FNBP1L: variants seen among roughly 807,000 people sequenced by gnomAD.
FNBP1L encodes formin binding protein 1 like, also known as formin-binding protein 1-like.
In FNBP1L, 36 loss-of-function variants were observed where a neutral mutation model predicts 91.2. That is an observed-to-expected ratio of 0.39 (90% confidence interval 0.30 to 0.52). The LOEUF (loss-of-function observed/expected upper bound fraction) is 0.52. Among genes scored for constraint, FNBP1L ranks in the 20% least tolerant of loss-of-function variants. FNBP1L has a pLI of 0.66. For synonymous variants in FNBP1L, 242 were observed against 237.0 expected (o/e 1.02, Z -0.19); for missense variants, 571 against 732.1 (o/e 0.78, Z 2.54).
At chr1:93,527,821 A>G (rs746004958) in intron 5 of FNBP1L, among the ~76,000 whole-genome samples, 1 of 152,204 alleles carries the variant, frequency 6.6e-6, no homozygotes, top group Non-Finnish European at 1.5e-5. Flanking sequence ...CAATGTGACT[A>G]TGAAAGGAAA....
rs1374895705 is a variant in FNBP1L, at chr1:93,549,324, C to A, written c.1549C>A (p.Pro517Thr). The change falls in exon 15 of 17, where the codon CCA (proline) becomes ACA (threonine). Residue 517 changes from proline (P) to threonine (T), a missense_variant. Physicochemically the swap from Pro to Thr is conservative, Grantham distance 38. Around this residue, in one of 5 missense-constraint regions of FNBP1L, gnomAD observed 189 missense variants for 219.7 expected, o/e 0.86. Transcript: ENST00000271234. ...TGATGCAAACCAGGAAGTCCGTGGG[C>A]CACCCCAGCAGCATGGTCACCACAA... ...TDDANQEVRG[P>T]PQQHGHHNEF... 1 of 1,612,686 alleles carries A rather than the reference C, an allele frequency of 6.2e-7. No homozygotes were observed. Among genetic ancestry groups the A allele is most frequent in the African/African-American group, 1.3e-5 (1 of 74,926 alleles).
intron 10 of FNBP1L, among the ~76,000 whole-genome samples, 178 bp downstream of exon 10, chr1:93,536,668 G>A: frequency 6.6e-6 from 1 of 152,018 alleles, no homozygotes; most frequent in Non-Finnish European, 1.5e-5. Context: ...CATTTGAAAT[G>A]CTCAACCATA....
chr1:93,504,434 T>C (rs4847429), intron 2 of FNBP1L, among the ~76,000 whole-genome samples: 71,515 of 152,132 alleles, frequency 0.47, 20,247 homozygotes, highest in East Asian at 0.61. Flanking sequence ...TCCCCAGCCA[T>C]GTGGAACTAT....
chr1:93,508,234 C>T (rs1670701632), intron 2 of FNBP1L, among the ~76,000 whole-genome samples: 1 of 152,010 alleles, frequency 6.6e-6, no homozygotes, highest in Non-Finnish European at 1.5e-5. Flanking sequence ...CCTGCAGTCC[C>T]AGCTACCTGG....
intron 15 of FNBP1L, 56 bp downstream of exon 15, chr1:93,549,482 A>G: frequency 7.5e-7 from 1 of 1,327,112 alleles, no homozygotes; most frequent in Non-Finnish European, 1.0e-6. Context: ...AAAAGTATTT[A>G]CATCAAGTCA....
At chr1:93,459,977 G>GTGTGTGTT (rs1553207644) in intron 1 of FNBP1L, among the ~76,000 whole-genome samples, 32 of 128,266 alleles carry the variant, frequency 2.5e-4, no homozygotes, top group Admixed American at 1.0e-3. Context: ...GTGTGTGTGT[G>GTGTGTGTT]TTTTTGGGAT....
chr1:93,523,522 T>C, intron 4 of FNBP1L, 31 bp downstream of exon 4: 4 of 1,574,514 alleles, frequency 2.5e-6, no homozygotes, highest in Non-Finnish European at 3.5e-6. Context: ...CCAATTGCAA[T>C]AGTATATGAA....
chr1:93,453,937 A>G (rs1340053729), intron 1 of FNBP1L, among the ~76,000 whole-genome samples: 1 of 152,244 alleles, frequency 6.6e-6, no homozygotes, highest in Non-Finnish European at 1.5e-5. Context: ...ACAACTAGAA[A>G]GTAATAGATG....
At chr1:93,524,110 C>T in intron 4 of FNBP1L, 151 bp from the exon 5 acceptor site, 1 of 516,174 alleles carries the variant, frequency 1.9e-6, no homozygotes, top group Non-Finnish European at 3.1e-6. Flanking sequence ...CTTCCTAAGT[C>T]TTGGTAAAGT....
chr1:93,501,853 A>T (rs147911572), intron 2 of FNBP1L, among the ~76,000 whole-genome samples: 2 of 152,344 alleles, frequency 1.3e-5, no homozygotes, highest in East Asian at 3.9e-4. Flanking sequence ...TAAAAAGTCT[A>T]ATCTGTCCTT....
At chr1:93,517,953 G>A (rs1434917602) in intron 2 of FNBP1L, among the ~76,000 whole-genome samples, 1 of 152,180 alleles carries the variant, frequency 6.6e-6, no homozygotes, top group Non-Finnish European at 1.5e-5. Context: ...ATATCTGCTT[G>A]CAGTTGTTGT....
At chr1:93,479,142 G>T (rs191585020) in intron 1 of FNBP1L, among the ~76,000 whole-genome samples, 1 of 152,296 alleles carries the variant, frequency 6.6e-6, no homozygotes, top group Non-Finnish European at 1.5e-5. Context: ...GCCGCTGGGG[G>T]TGACATCACA....
chr1:93,516,362 A>G (rs768577691), intron 2 of FNBP1L, among the ~76,000 whole-genome samples: 8 of 152,118 alleles, frequency 5.3e-5, no homozygotes, highest in Non-Finnish European at 1.0e-4. Flanking sequence ...TACCTGTTAA[A>G]AGCTCCCTCC....
At chr1:93,491,513 C>T (rs1255917486) in intron 1 of FNBP1L, among the ~76,000 whole-genome samples, 2 of 152,072 alleles carry the variant, frequency 1.3e-5, no homozygotes, top group East Asian at 1.9e-4. Flanking sequence ...TCTCAGCCTC[C>T]CCGGTAGCTA....
Position 93,553,338 on chromosome 1 carries a change from AG to A in FNBP1L, c.*923del, listed in dbSNP as rs1293601562. 1 of 152,684 alleles carries A rather than the reference AG, an allele frequency of 6.5e-6. No individual in the cohort carries two copies. Among genetic ancestry groups the A allele is most frequent in the Non-Finnish European group, 1.5e-5 (1 of 68,048 alleles). 9.5% of individuals were successfully genotyped at this position (152,684 alleles called of 1,614,324 possible). On this transcript the variant is annotated 3_prime_UTR_variant, in exon 17 of 17. Transcript: ENST00000271234. ...TGTTGATTGCCAACACTACCACTAC[AG>A]TATCCCACAAAGGGCTTTATGTGTC...
intron 12 of FNBP1L, among the ~76,000 whole-genome samples, chr1:93,546,568 T>C (rs928928438): frequency 6.6e-6 from 1 of 152,098 alleles, no homozygotes; most frequent in African/African-American, 2.4e-5. Context: ...TGTGTGTATA[T>C]GTACATATAA....
intron 1 of FNBP1L, among the ~76,000 whole-genome samples, chr1:93,468,129 C>T (rs1461446197): frequency 2.0e-5 from 3 of 152,122 alleles, no homozygotes; most frequent in Admixed American, 1.3e-4. Flanking sequence ...AACCCCAGCC[C>T]TAGGAAACCA....
intron 2 of FNBP1L, among the ~76,000 whole-genome samples, chr1:93,515,110 T>C (rs957476765): frequency 6.6e-6 from 1 of 152,076 alleles, no homozygotes; most frequent in Non-Finnish European, 1.5e-5. Context: ...TGAAGGACAT[T>C]AACAGACACT....
chr1:93,547,891 C>T (rs1029082308), intron 14 of FNBP1L, among the ~76,000 whole-genome samples: 4 of 152,118 alleles, frequency 2.6e-5, no homozygotes, highest in African/African-American at 4.8e-5. Context: ...ACATTTCTTT[C>T]TTGATGTATT....
Sources: allele counts gnomAD v4.1 joint callset (sites outside exome capture counted in the v4.1 genomes callset), GRCh38; gene constraint gnomAD v4.1.1; regional missense constraint gnomAD v4.1.1; transcripts MANE v1.5; gene names NCBI Gene and HGNC (gene_info 2026-07-23, HGNC 2026-07-21).